IL23R: variants seen among roughly 807,000 people sequenced by gnomAD.
The protein encoded by IL23R is interleukin 23 receptor.
IL23R carries 34 observed loss-of-function variants against 56.9 expected under a neutral mutation model. The ratio of observed to expected loss-of-function variants is 0.60; its 90% CI spans 0.45 to 0.80. The LOEUF is 0.80. Ranked by LOEUF, IL23R falls within the 30% of genes least tolerant of loss-of-function variation. The pLI, the probability that IL23R is intolerant of heterozygous loss-of-function variation, is 0.00. For missense variants in IL23R, 635 were observed against 730.0 expected (o/e 0.87, Z 1.50); for synonymous variants, 230 against 249.2 (o/e 0.92, Z 0.73).
chr1:67,188,876 C>A (rs1274453004), intron 4 of IL23R, among the ~76,000 whole-genome samples: 1 of 152,138 alleles, frequency 6.6e-6, no homozygotes, highest in African/African-American at 2.4e-5. Flanking sequence ...CCTCTTAATA[C>A]TATTACATTG....
intron 9 of IL23R, among the ~76,000 whole-genome samples, chr1:67,242,629 C>T (rs962140585): frequency 1.3e-5 from 2 of 152,080 alleles, no homozygotes; most frequent in African/African-American, 4.8e-5. Flanking sequence ...TCTCTGAAAC[C>T]AAAAGTTCAA....
intron 3 of IL23R, among the ~76,000 whole-genome samples, chr1:67,181,587 T>A (rs1306655671): frequency 2.0e-5 from 3 of 152,204 alleles, no homozygotes; most frequent in Admixed American, 2.0e-4. Flanking sequence ...AACTTCCTCC[T>A]TTAGCTCGGA....
At chr1:67,201,185 T>C (rs748780567) in intron 5 of IL23R, among the ~76,000 whole-genome samples, 1 of 152,010 alleles carries the variant, frequency 6.6e-6, no homozygotes, top group Non-Finnish European at 1.5e-5. Flanking sequence ...GGGCGATCAC[T>C]TGAGGTCAGG....
At chr1:67,210,286 A>T (rs77160123) in intron 6 of IL23R, among the ~76,000 whole-genome samples, 2,812 of 152,314 alleles carry the variant, frequency 0.018, 91 homozygotes, top group African/African-American at 0.064. Context: ...GGAACAACGT[A>T]ATAAAACTCA....
Position 67,182,861 on chromosome 1 carries a change from A to G in IL23R, c.393A>G (p.Val131=). 1 of 1,614,088 alleles carries G rather than the reference A, an allele frequency of 6.2e-7. No individual in the cohort carries two copies. The highest frequency in any genetic ancestry group is 8.5e-7 in the Non-Finnish European group (1 of 1,179,966). ...SGYPPDIPDE[V]TCVIYEYSGN... ...ATCCGCCAGATATTCCTGATGAAGT[A>G]ACCTGTGTCATTTATGAATATTCAG... The change falls in exon 4 of 11, where the codon GTA becomes GTG. Residue 131 remains valine (V), a synonymous_variant. Transcript: ENST00000347310.
Position 67,207,032 on chromosome 1 carries a change from G to A in IL23R, c.775G>A (p.Ala259Thr). 1 of 1,613,774 alleles carries A rather than the reference G, an allele frequency of 6.2e-7. No homozygotes were observed. Among genetic ancestry groups the A allele is most frequent in the Non-Finnish European group, 8.5e-7 (1 of 1,179,952 alleles). ...GGTTTCCTGTGAAATGAGATACAAG[G>A]CTACAACAAACCAAACTTGGAATGT... ...EKVSCEMRYKATTNQTWNVKE... is the reference protein window; with the variant it reads ...EKVSCEMRYKTTTNQTWNVKE... The change falls in exon 6 of 11, where the codon GCT (alanine) becomes ACT (threonine). Residue 259 changes from alanine (A) to threonine (T), a missense_variant. Transcript: ENST00000347310.
At chr1:67,158,116 T>C (rs1429446030) in intron 1 of IL23R, among the ~76,000 whole-genome samples, 2 of 151,688 alleles carry the variant, frequency 1.3e-5, no homozygotes, top group African/African-American at 2.4e-5. Context: ...CCTGGGAGGC[T>C]GAGGAAGGAG....
At chr1:67,223,176 C>T (rs1054831976) in intron 7 of IL23R, among the ~76,000 whole-genome samples, 12 of 152,148 alleles carry the variant, frequency 7.9e-5, no homozygotes, top group Admixed American at 2.6e-4. Flanking sequence ...ATCTCTTGAA[C>T]TTGAGAGGCG....
At chr1:67,250,256 T>A (rs1051327171) in intron 9 of IL23R, among the ~76,000 whole-genome samples, 1 of 152,228 alleles carries the variant, frequency 6.6e-6, no homozygotes, top group African/African-American at 2.4e-5. Flanking sequence ...CTTTCATGTA[T>A]CCTTTCATGA....
intron 1 of IL23R, among the ~76,000 whole-genome samples, chr1:67,140,001 C>A (rs751953436): frequency 6.6e-6 from 1 of 152,308 alleles, no homozygotes; most frequent in South Asian, 2.1e-4. Flanking sequence ...AACCCCCTCA[C>A]CATGTGATGC....
At chr1:67,253,065 A>G (rs990531078) in intron 9 of IL23R, among the ~76,000 whole-genome samples, 1 of 152,214 alleles carries the variant, frequency 6.6e-6, no homozygotes, top group Non-Finnish European at 1.5e-5. Context: ...ATATAGAGGT[A>G]TGAAGTCCTT....
intron 9 of IL23R, among the ~76,000 whole-genome samples, chr1:67,251,799 G>GT (rs1652642846): frequency 6.6e-6 from 1 of 152,320 alleles, no homozygotes; most frequent in East Asian, 1.9e-4. Context: ...CTGAGCTACA[G>GT]TACTGGGTAG....
At chr1:67,262,943 G>T (rs968405529), downstream of IL23R, among the ~76,000 whole-genome samples, 5 of 152,176 alleles carry the variant, frequency 3.3e-5, no homozygotes, top group African/African-American at 1.2e-4. Context: ...TGCTGACTAA[G>T]GAATATCGTT....
intron 9 of IL23R, among the ~76,000 whole-genome samples, chr1:67,246,815 A>G (rs1260257150): frequency 6.6e-6 from 1 of 152,146 alleles, no homozygotes; most frequent in Non-Finnish European, 1.5e-5. Context: ...AGTTCTGTAG[A>G]TGTCTATAGG....
intron 1 of IL23R, among the ~76,000 whole-genome samples, chr1:67,145,802 C>T (rs147418540): frequency 2.1e-4 from 32 of 152,296 alleles, no homozygotes; most frequent in African/African-American, 7.7e-4. Context: ...ATGAACCATG[C>T]CTCCCAGTAT....
intron 1 of IL23R, among the ~76,000 whole-genome samples, chr1:67,159,364 G>A (rs1389536038): frequency 6.6e-6 from 1 of 151,958 alleles, no homozygotes; most frequent in East Asian, 1.9e-4. Flanking sequence ...ATGTGAAAAA[G>A]GTGTTTGCTT....
intron 6 of IL23R, 92 bp downstream of exon 6, chr1:67,207,147 A>C (rs1481785434): frequency 7.7e-7 from 1 of 1,293,660 alleles, no homozygotes; most frequent in Non-Finnish European, 1.1e-6. Flanking sequence ...TGTCTATTTT[A>C]CATGTTTTTA....
intron 9 of IL23R, 92 bp downstream of exon 9, chr1:67,240,373 C>T (rs1047268487): frequency 2.5e-6 from 2 of 790,046 alleles, no homozygotes; most frequent in African/African-American, 3.4e-5. Context: ...CTAGAAAAAT[C>T]TGTTAACATT....
At chr1:67,239,414 C>T (rs569745254) in intron 8 of IL23R, among the ~76,000 whole-genome samples, 5 of 152,266 alleles carry the variant, frequency 3.3e-5, no homozygotes, top group African/African-American at 7.2e-5. Flanking sequence ...CAGGCACATG[C>T]CACCACACCC....
Sources: gnomAD v4.1 joint callset for allele counts (sites outside exome capture counted in the v4.1 genomes callset) on GRCh38, gnomAD v4.1.1 for gene constraint, MANE v1.5 for transcripts, NCBI Gene and HGNC (gene_info 2026-07-23, HGNC 2026-07-21) for gene names.